FSTL5: variants seen among roughly 807,000 people sequenced by gnomAD.
FSTL5 encodes the protein follistatin-related protein 5.
In FSTL5, 62 loss-of-function variants were observed where a neutral mutation model predicts 89.1. The ratio of observed to expected loss-of-function variants is 0.70; its 90% CI spans 0.57 to 0.86. The LOEUF is 0.86. FSTL5 is among the 40% of genes least tolerant of loss of function. The probability of loss-of-function intolerance (pLI) is 0.00; values close to 1 mark genes in which losing one functional copy is unlikely to be tolerated. For missense variants in FSTL5, 1,057 were observed against 1,001.6 expected (o/e 1.06, Z -0.75); for synonymous variants, 383 against 346.2 (o/e 1.11, Z -1.18).
chr4:161,764,690 G>C (rs1393468235), intron 5 of FSTL5, among the ~76,000 whole-genome samples: 1 of 152,116 alleles, frequency 6.6e-6, no homozygotes. Flanking sequence ...CAGTTGAAGA[G>C]ATATCATTAT....
At chr4:161,624,000 T>C (rs1404268179) in intron 7 of FSTL5, among the ~76,000 whole-genome samples, 1 of 152,050 alleles carries the variant, frequency 6.6e-6, no homozygotes, top group Non-Finnish European at 1.5e-5. Context: ...TATTAATGAA[T>C]GTATGAAAGT....
At position 161,674,534 on chromosome 4, in the gene FSTL5, A is replaced by T. The variant is rs117801429; in HGVS notation, c.728-18040T>A. Among the ~76,000 whole-genome samples the T allele has an allele frequency of 5.9e-3, 905 of 152,114 alleles. 9 individuals carry two copies. Among genetic ancestry groups the T allele is most frequent in the South Asian group, 0.046 (220 of 4,822 alleles). ...CCTTCTTGGCAGAAAGAAGAAAAACACTCCAAGACTCAACAGTCAGAACTG... is the reference window on the plus strand; with the variant it reads ...CCTTCTTGGCAGAAAGAAGAAAAACTCTCCAAGACTCAACAGTCAGAACTG... On this transcript the variant is annotated intron_variant, in intron 6 of 15. Transcript: ENST00000306100.
intron 12 of FSTL5, among the ~76,000 whole-genome samples, chr4:161,496,833 T>TAGAGAC (rs1438121087): frequency 1.7e-4 from 25 of 151,192 alleles, no homozygotes; most frequent in African/African-American, 5.9e-4. Flanking sequence ...GAGATAGAGA[T>TAGAGAC]AGAGATCAAA....
At chr4:161,713,676 C>T (rs1339611937) in intron 6 of FSTL5, among the ~76,000 whole-genome samples, 1 of 151,994 alleles carries the variant, frequency 6.6e-6, no homozygotes, top group Non-Finnish European at 1.5e-5. Flanking sequence ...CTACAGGTAA[C>T]TCTACATATA....
intron 3 of FSTL5, among the ~76,000 whole-genome samples, chr4:161,993,917 C>A (rs533413214): frequency 1.4e-4 from 22 of 152,132 alleles, no homozygotes; most frequent in African/African-American, 5.1e-4. Context: ...TTATCTTGAG[C>A]TTGAGGGTAC....
intron 7 of FSTL5, among the ~76,000 whole-genome samples, chr4:161,628,537 T>C (rs1164479877): frequency 6.6e-6 from 1 of 152,138 alleles, no homozygotes; most frequent in Non-Finnish European, 1.5e-5. Context: ...TTATTTTACT[T>C]TTTCAGATTA....
At chr4:161,632,221 A>C (rs184840225) in intron 7 of FSTL5, among the ~76,000 whole-genome samples, 4 of 152,242 alleles carry the variant, frequency 2.6e-5, no homozygotes, top group African/African-American at 7.2e-5. Flanking sequence ...TCTACTAAAA[A>C]TACAAAAAAT....
At chr4:161,660,650 G>T (rs565867411) in intron 6 of FSTL5, among the ~76,000 whole-genome samples, 1 of 151,958 alleles carries the variant, frequency 6.6e-6, no homozygotes, top group Non-Finnish European at 1.5e-5. Flanking sequence ...ATAGGCTCCA[G>T]TGTGTGTTGT....
At chr4:161,544,024 T>A (rs994311993) in intron 8 of FSTL5, among the ~76,000 whole-genome samples, 4 of 151,804 alleles carry the variant, frequency 2.6e-5, no homozygotes, top group Admixed American at 6.6e-5. Context: ...CTGTTACAAA[T>A]CAGCAGCTAA....
At chr4:161,430,134 G>C (rs547346596) in intron 15 of FSTL5, among the ~76,000 whole-genome samples, 2 of 151,876 alleles carry the variant, frequency 1.3e-5, no homozygotes, top group East Asian at 3.9e-4. Flanking sequence ...AATAGCAGAA[G>C]TCACCAAGCA....
chr4:162,126,636 A>G (rs1017766140), intron 1 of FSTL5, among the ~76,000 whole-genome samples: 1 of 152,010 alleles, frequency 6.6e-6, no homozygotes, highest in African/African-American at 2.4e-5. Context: ...ATGTCTATAG[A>G]TTTTTTGTCA....
At chr4:161,667,094 A>G (rs1736927477) in intron 6 of FSTL5, among the ~76,000 whole-genome samples, 1 of 152,092 alleles carries the variant, frequency 6.6e-6, no homozygotes, top group South Asian at 2.1e-4. Flanking sequence ...TTACATATTG[A>G]CAATAGTGAA....
At chr4:162,111,087 G>A (rs945399895) in intron 2 of FSTL5, among the ~76,000 whole-genome samples, 184 bp downstream of exon 2, 7 of 151,874 alleles carry the variant, frequency 4.6e-5, no homozygotes, top group African/African-American at 1.2e-4. Flanking sequence ...AGTAGTTCTC[G>A]AAATTGTAAA....
At chr4:161,774,708 T>C (rs1489902253) in intron 5 of FSTL5, among the ~76,000 whole-genome samples, 1 of 152,064 alleles carries the variant, frequency 6.6e-6, no homozygotes, top group Non-Finnish European at 1.5e-5. Context: ...ACAATATATA[T>C]GTTAGGCACA....
intron 12 of FSTL5, among the ~76,000 whole-genome samples, chr4:161,487,467 T>A (rs1394429908): frequency 6.6e-6 from 1 of 152,188 alleles, no homozygotes; most frequent in Non-Finnish European, 1.5e-5. Flanking sequence ...AATTTGACAT[T>A]GCCATAATAT....
At chr4:161,472,240 G>A (rs1353300558) in intron 13 of FSTL5, among the ~76,000 whole-genome samples, 1 of 152,116 alleles carries the variant, frequency 6.6e-6, no homozygotes, top group African/African-American at 2.4e-5. Context: ...GCCTCCCAAA[G>A]TGCTGGAATT....
At chr4:161,403,742 T>A (rs1363729191) in intron 15 of FSTL5, among the ~76,000 whole-genome samples, 1 of 152,176 alleles carries the variant, frequency 6.6e-6, no homozygotes, top group Non-Finnish European at 1.5e-5. Flanking sequence ...ACTCATTCCA[T>A]TTTAAAAATA....
intron 3 of FSTL5, among the ~76,000 whole-genome samples, chr4:162,029,150 A>G (rs997667448): frequency 3.8e-5 from 4 of 106,058 alleles, no homozygotes; most frequent in African/African-American, 1.2e-4. Flanking sequence ...CATGAGGGAG[A>G]GAGAGAGAGA....
intron 4 of FSTL5, among the ~76,000 whole-genome samples, chr4:161,887,787 G>A (rs187638489): frequency 1.2e-4 from 18 of 151,986 alleles, no homozygotes; most frequent in African/African-American, 3.9e-4. Flanking sequence ...TAAGTCTAAG[G>A]AACTACAGTT....
Sources: gnomAD v4.1 joint callset for allele counts (sites outside exome capture counted in the v4.1 genomes callset) on GRCh38, gnomAD v4.1.1 for gene constraint, MANE v1.5 for transcripts, NCBI Gene and HGNC (gene_info 2026-07-23, HGNC 2026-07-21) for gene names.